RBFOX1: variants seen among roughly 807,000 people sequenced by gnomAD.
RBFOX1 encodes RNA binding protein fox-1 homolog 1.
RBFOX1 carries 8 observed loss-of-function variants against 57.7 expected under a neutral mutation model. The ratio of observed to expected loss-of-function variants is 0.14; its 90% CI spans 0.08 to 0.25. RBFOX1 has a LOEUF of 0.25. Ranked by LOEUF, RBFOX1 falls within the 10% of genes least tolerant of loss-of-function variation. The pLI is 1.00. For missense variants in RBFOX1, 611 were observed against 548.5 expected (o/e 1.11, Z -1.14); for synonymous variants, 326 against 222.4 (o/e 1.47, Z -4.15).
intron 3 of RBFOX1, among the ~76,000 whole-genome samples, chr16:5,727,642 C>G (rs761501539): frequency 2.6e-5 from 4 of 152,108 alleles, no homozygotes; most frequent in Non-Finnish European, 4.4e-5. Context: ...TACCCACCCT[C>G]AAGCTCTTGG....
chr16:5,600,509 A>T (rs1388410671), downstream of RBFOX1, among the ~76,000 whole-genome samples: 1 of 137,878 alleles, frequency 7.3e-6, no homozygotes, highest in Non-Finnish European at 1.6e-5. Flanking sequence ...AAAAAAAAAA[A>T]GTCTGCTTGG....
At chr16:6,149,298 G>T (rs1001197771) in intron 1 of RBFOX1, among the ~76,000 whole-genome samples, 15 of 152,330 alleles carry the variant, frequency 9.8e-5, no homozygotes, top group Admixed American at 5.9e-4. Context: ...TTGAATGTCT[G>T]TTGTTCCCTT....
chr16:5,644,972 G>A (rs1423683399), intron 3 of RBFOX1, among the ~76,000 whole-genome samples: 1 of 151,926 alleles, frequency 6.6e-6, no homozygotes, highest in African/African-American at 2.4e-5. Flanking sequence ...GAAGGCTGGG[G>A]ATGGTGTAAT....
intron 3 of RBFOX1, among the ~76,000 whole-genome samples, chr16:6,973,814 G>T (rs2086144085): frequency 1.3e-5 from 2 of 152,026 alleles, no homozygotes; most frequent in African/African-American, 4.8e-5. Context: ...ACATGTGCAG[G>T]ATGTGTAGGT....
chr16:7,285,515 C>T (rs1008972996), intron 4 of RBFOX1, among the ~76,000 whole-genome samples: 4 of 151,972 alleles, frequency 2.6e-5, no homozygotes, highest in Non-Finnish European at 5.9e-5. Context: ...CACTGGATCC[C>T]TTCTGTTTTT....
intron 1 of RBFOX1, among the ~76,000 whole-genome samples, chr16:5,306,420 A>G (rs2063935906): frequency 6.6e-6 from 1 of 150,830 alleles, no homozygotes; most frequent in Non-Finnish European, 1.5e-5. Flanking sequence ...CCTGGGTTCT[A>G]GTGATTCTCC....
intron 3 of RBFOX1, among the ~76,000 whole-genome samples, chr16:5,694,813 T>C (rs565070700): frequency 1.5e-4 from 23 of 150,954 alleles, no homozygotes; most frequent in Non-Finnish European, 2.7e-4. Context: ...GTTTTTGTTT[T>C]TGTTTTGCTT....
chr16:7,488,198 C>T (rs959622272), intron 4 of RBFOX1, among the ~76,000 whole-genome samples: 3 of 152,172 alleles, frequency 2.0e-5, no homozygotes, highest in South Asian at 2.1e-4. Context: ...GCAGCGTGCT[C>T]ATCCCTGCAG....
intron 2 of RBFOX1, among the ~76,000 whole-genome samples, chr16:5,537,332 A>T (rs2044740493): frequency 6.6e-6 from 1 of 152,214 alleles, no homozygotes; most frequent in South Asian, 2.1e-4. Context: ...ACAGCAGCAC[A>T]TCACTTCTAG....
intron 4 of RBFOX1, among the ~76,000 whole-genome samples, chr16:7,054,215 G>GC (rs1342767744): frequency 6.1e-5 from 2 of 32,546 alleles, no homozygotes; most frequent in African/African-American, 1.2e-4. Context: ...TTTTTTTTCG[G>GC]GGGGGGGGGG....
At chr16:6,688,244 C>T (rs978488281) in intron 3 of RBFOX1, among the ~76,000 whole-genome samples, 2 of 151,674 alleles carry the variant, frequency 1.3e-5, no homozygotes, top group African/African-American at 4.8e-5. Context: ...AGAGAGATGG[C>T]AGGAGGTGCT....
intron 4 of RBFOX1, among the ~76,000 whole-genome samples, chr16:7,209,251 C>G (rs1464699245): frequency 1.3e-5 from 2 of 151,928 alleles, no homozygotes; most frequent in Non-Finnish European, 2.9e-5. Flanking sequence ...AGGAGAATCA[C>G]TTGAACCCAA....
chr16:6,073,651 T>C (rs528523129), intron 1 of RBFOX1, among the ~76,000 whole-genome samples: 40 of 152,290 alleles, frequency 2.6e-4, no homozygotes, highest in Admixed American at 1.6e-3. Context: ...ACAGAAAATA[T>C]TTAGAATGCA....
At chr16:6,241,049 T>A (rs544769936) in intron 1 of RBFOX1, among the ~76,000 whole-genome samples, 1 of 152,286 alleles carries the variant, frequency 6.6e-6, no homozygotes, top group African/African-American at 2.4e-5. Context: ...GATGTACATA[T>A]GCACAAAACA....
rs368826328 is a variant in RBFOX1, at chr16:6,970,178, G to GA, written c.-15-81872dup. 2.3e-3 allele frequency among the ~76,000 whole-genome samples: 337 copies of GA among 149,092 alleles called. 1 individual carries two copies. The highest frequency in any genetic ancestry group is 8.1e-3 in the African/African-American group (327 of 40,574). Reference sequence around the variant, plus strand: ...GGGCAACAGAACAAGACTCTGGGGGGAAAAAAATAAAAAAGAAAGAAACAA... The same window carrying GA: ...GGGCAACAGAACAAGACTCTGGGGGGAAAAAAAATAAAAAAGAAAGAAACAA... On this transcript the variant is annotated intron_variant, in intron 3 of 15. Transcript: ENST00000550418.
At chr16:7,077,474 C>G (rs540958310) in intron 4 of RBFOX1, among the ~76,000 whole-genome samples, 4 of 152,160 alleles carry the variant, frequency 2.6e-5, no homozygotes, top group African/African-American at 4.8e-5. Flanking sequence ...CTGTGAATAA[C>G]TGTGCCATTA....
At chr16:6,540,142 C>T (rs1044060939) in intron 2 of RBFOX1, among the ~76,000 whole-genome samples, 1 of 152,090 alleles carries the variant, frequency 6.6e-6, no homozygotes, top group Admixed American at 6.6e-5. Context: ...TGACCTGATT[C>T]TGTATGTGGC....
chr16:6,609,563 G>C (rs925846519), intron 2 of RBFOX1, among the ~76,000 whole-genome samples: 1 of 151,910 alleles, frequency 6.6e-6, no homozygotes, highest in African/African-American at 2.4e-5. Context: ...AGGCTGGTAT[G>C]ATTTTTCTAA....
At chr16:5,433,403 G>C (rs1283356751) in intron 1 of RBFOX1, among the ~76,000 whole-genome samples, 2 of 152,108 alleles carry the variant, frequency 1.3e-5, no homozygotes, top group Non-Finnish European at 2.9e-5. Flanking sequence ...TGCTGCACTT[G>C]GTCACTCTGG....
Sources: allele counts gnomAD v4.1 joint callset (sites outside exome capture counted in the v4.1 genomes callset), GRCh38; gene constraint gnomAD v4.1.1; transcripts MANE v1.5; gene names NCBI Gene and HGNC (gene_info 2026-07-23, HGNC 2026-07-21).